Variants in ARHGAP24 observed in about 807,000 individuals in gnomAD.
ARHGAP24 encodes Rho GTPase activating protein 24.
ARHGAP24 carries 50 observed loss-of-function variants against 76.4 expected under a neutral mutation model. The ratio of observed to expected loss-of-function variants is 0.65; its 90% CI spans 0.52 to 0.83. ARHGAP24 has a LOEUF of 0.83. ARHGAP24 is among the 40% of genes least tolerant of loss of function. The pLI, the probability that ARHGAP24 is intolerant of heterozygous loss-of-function variation, is 0.00. For missense variants in ARHGAP24, 930 were observed against 914.2 expected (o/e 1.02, Z -0.22); for synonymous variants, 345 against 323.3 (o/e 1.07, Z -0.72).
At chr4:85,620,426 A>G (rs559491250) in intron 2 of ARHGAP24, among the ~76,000 whole-genome samples, 5 of 151,730 alleles carry the variant, frequency 3.3e-5, no homozygotes, top group African/African-American at 9.7e-5. Flanking sequence ...TAGGTTATCC[A>G]TTTTTTTGGT....
At chr4:85,912,711 A>G (rs1470236680) in intron 3 of ARHGAP24, among the ~76,000 whole-genome samples, 1 of 152,186 alleles carries the variant, frequency 6.6e-6, no homozygotes. Context: ...AACGTTGCCA[A>G]TAATCTCTTA....
chr4:85,965,658 T>C (rs1488796045), intron 5 of ARHGAP24, among the ~76,000 whole-genome samples: 1 of 152,154 alleles, frequency 6.6e-6, no homozygotes, highest in Non-Finnish European at 1.5e-5. Flanking sequence ...ATTGGCTGCA[T>C]GTGAGAATAA....
intron 1 of ARHGAP24, among the ~76,000 whole-genome samples, chr4:85,545,819 C>T (rs924765070): frequency 1.3e-5 from 2 of 152,132 alleles, no homozygotes. Flanking sequence ...ATCCAGGTAT[C>T]AGATTTTGGC....
intron 1 of ARHGAP24, among the ~76,000 whole-genome samples, chr4:85,482,114 G>A (rs1472136841): frequency 3.9e-5 from 6 of 152,114 alleles, no homozygotes; most frequent in Admixed American, 1.3e-4. Flanking sequence ...AATATGATCC[G>A]GGGGAGTTAA....
intron 3 of ARHGAP24, among the ~76,000 whole-genome samples, chr4:85,825,279 CACTT>C (rs770592023): frequency 6.6e-6 from 1 of 152,098 alleles, no homozygotes; most frequent in Non-Finnish European, 1.5e-5. Flanking sequence ...CTGGGAATGA[CACTT>C]ACTTAAAGGG....
intron 3 of ARHGAP24, among the ~76,000 whole-genome samples, chr4:85,788,539 G>A (rs1227184652): frequency 3.9e-5 from 6 of 152,164 alleles, no homozygotes; most frequent in Non-Finnish European, 8.8e-5. Flanking sequence ...TGACCATAGA[G>A]GTGAGAGGAT....
intron 3 of ARHGAP24, among the ~76,000 whole-genome samples, chr4:85,743,320 A>C (rs984032653): frequency 6.1e-5 from 9 of 148,206 alleles, no homozygotes; most frequent in African/African-American, 2.2e-4. Flanking sequence ...TGAAAGAGCC[A>C]ATGAGGGGCC....
intron 4 of ARHGAP24, among the ~76,000 whole-genome samples, chr4:85,924,048 C>T (rs1047174904): frequency 6.6e-6 from 1 of 151,662 alleles, no homozygotes; most frequent in Non-Finnish European, 1.5e-5. Context: ...ATATTACCGA[C>T]AATACACTGT....
chr4:85,852,945 G>A (rs372752696), intron 3 of ARHGAP24, among the ~76,000 whole-genome samples: 3 of 152,330 alleles, frequency 2.0e-5, no homozygotes, highest in East Asian at 1.9e-4. Flanking sequence ...CCCACTTGAG[G>A]AGGCAGTCTG....
chr4:85,904,121 G>GT (rs1406951042), intron 3 of ARHGAP24, among the ~76,000 whole-genome samples: 1 of 152,146 alleles, frequency 6.6e-6, no homozygotes, highest in Admixed American at 6.5e-5. Context: ...TTGAATTGCT[G>GT]TAAGAAATAA....
At chr4:85,974,819 A>G in intron 6 of ARHGAP24, 69 bp from the exon 7 acceptor site, 2 of 1,483,696 alleles carry the variant, frequency 1.3e-6, no homozygotes, top group Non-Finnish European at 1.9e-6. Flanking sequence ...TTATATGGCC[A>G]TTTCGACTTG....
intron 5 of ARHGAP24, 128 bp downstream of exon 5, chr4:85,942,401 C>A (rs1292933420): frequency 3.6e-6 from 4 of 1,126,376 alleles, no homozygotes. Flanking sequence ...TATTTGGCCA[C>A]AGGAGTTTGC....
At chr4:85,829,256 A>G (rs1388972825) in intron 3 of ARHGAP24, among the ~76,000 whole-genome samples, 2 of 152,222 alleles carry the variant, frequency 1.3e-5, no homozygotes, top group Admixed American at 6.5e-5. Flanking sequence ...GACTTTAAAA[A>G]CTAATGAAGT....
At chr4:85,636,854 C>T (rs1721327208) in intron 2 of ARHGAP24, among the ~76,000 whole-genome samples, 1 of 152,038 alleles carries the variant, frequency 6.6e-6, no homozygotes, top group South Asian at 2.1e-4. Context: ...CCAAACCAAA[C>T]TGTAGGCTCT....
At chr4:85,557,059 A>G (rs1421000438) in intron 1 of ARHGAP24, among the ~76,000 whole-genome samples, 1 of 152,162 alleles carries the variant, frequency 6.6e-6, no homozygotes, top group Non-Finnish European at 1.5e-5. Flanking sequence ...TGAGAGCAAC[A>G]GGAGGGTGGG....
intron 1 of ARHGAP24, among the ~76,000 whole-genome samples, chr4:85,523,697 A>G (rs534715475): frequency 4.3e-4 from 66 of 152,298 alleles, no homozygotes; most frequent in Admixed American, 3.6e-3. Flanking sequence ...TAAATTTCTA[A>G]GTGTACATAT....
intron 2 of ARHGAP24, among the ~76,000 whole-genome samples, chr4:85,590,628 G>A (rs1365347511): frequency 6.6e-6 from 1 of 151,930 alleles, no homozygotes; most frequent in Non-Finnish European, 1.5e-5. Context: ...CCAAAGTGCT[G>A]GGATTGCAGG....
At chr4:85,781,842 T>C (rs2110085275) in intron 3 of ARHGAP24, among the ~76,000 whole-genome samples, 1 of 152,134 alleles carries the variant, frequency 6.6e-6, no homozygotes, top group African/African-American at 2.4e-5. Flanking sequence ...GAGGGCAGCC[T>C]GGCCAACATG....
At chr4:85,869,053 C>T (rs1276446134) in intron 3 of ARHGAP24, among the ~76,000 whole-genome samples, 1 of 152,028 alleles carries the variant, frequency 6.6e-6, no homozygotes, top group Non-Finnish European at 1.5e-5. Flanking sequence ...CAACTACTTC[C>T]TGCTGCCTAA....
Sources: gnomAD v4.1 joint callset for allele counts (sites outside exome capture counted in the v4.1 genomes callset) on GRCh38, gnomAD v4.1.1 for gene constraint, MANE v1.5 for transcripts, NCBI Gene and HGNC (gene_info 2026-07-23, HGNC 2026-07-21) for gene names.